Variants in PDE7B observed in about 807,000 individuals in gnomAD.
PDE7B encodes the protein phosphodiesterase 7B, also known as 3',5'-cyclic-AMP phosphodiesterase 7B.
A neutral mutation model predicts 56.2 loss-of-function variants in PDE7B; 29 were observed. That is an observed-to-expected ratio of 0.52 (90% CI 0.38 to 0.70). PDE7B has a LOEUF of 0.70. Among genes scored for constraint, PDE7B ranks in the 30% least tolerant of loss-of-function variants. The pLI, the probability that PDE7B is intolerant of heterozygous loss-of-function variation, is 0.00. For synonymous variants in PDE7B, 197 were observed against 196.9 expected, an observed-to-expected ratio of 1.00 and a Z score of 0.00; for missense variants, 490 against 565.0, an observed-to-expected ratio of 0.87 and a Z score of 1.35.
At chr6:136,146,212 T>A (rs1241208867) in intron 3 of PDE7B, among the ~76,000 whole-genome samples, 1 of 152,198 alleles carries the variant, frequency 6.6e-6, no homozygotes, top group Admixed American at 6.6e-5. Flanking sequence ...TTACTTTACA[T>A]ATGAGCCGTA....
intron 8 of PDE7B, chr6:136,161,895 C>A (rs539583188): frequency 6.6e-6 from 1 of 152,174 alleles, no homozygotes; most frequent in East Asian, 1.9e-4. Context: ...ATAGCAGTCA[C>A]GTAGGGCCAC....
At chr6:136,131,350 G>A (rs1778113337) in intron 3 of PDE7B, among the ~76,000 whole-genome samples, 1 of 152,180 alleles carries the variant, frequency 6.6e-6, no homozygotes, top group African/African-American at 2.4e-5. Context: ...GCCATGTTAA[G>A]CAGCAAGGAA....
intron 2 of PDE7B, among the ~76,000 whole-genome samples, chr6:135,995,894 A>G (rs573839277): frequency 8.6e-5 from 13 of 150,906 alleles, no homozygotes; most frequent in African/African-American, 3.0e-4. Flanking sequence ...AAAGCCTATT[A>G]TAAGGAATTG....
At chr6:135,931,844 C>T (rs982617903) in intron 1 of PDE7B, among the ~76,000 whole-genome samples, 1 of 152,192 alleles carries the variant, frequency 6.6e-6, no homozygotes, top group Non-Finnish European at 1.5e-5. Flanking sequence ...CAAACATGCA[C>T]ACAAACAGAA....
At chr6:136,136,526 CAAT>C (rs769817397) in intron 3 of PDE7B, among the ~76,000 whole-genome samples, 10 of 151,778 alleles carry the variant, frequency 6.6e-5, no homozygotes, top group Non-Finnish European at 1.3e-4. Flanking sequence ...TGACTAGGGT[CAAT>C]AATAATTGTA....
intron 1 of PDE7B, among the ~76,000 whole-genome samples, chr6:135,932,543 G>A (rs1410471777): frequency 3.3e-5 from 5 of 152,156 alleles, no homozygotes; most frequent in Non-Finnish European, 4.4e-5. Context: ...GGCAAACATT[G>A]AAGTTTTAAA....
chr6:136,006,749 T>A (rs1775792063), intron 2 of PDE7B, among the ~76,000 whole-genome samples: 1 of 152,194 alleles, frequency 6.6e-6, no homozygotes, highest in African/African-American at 2.4e-5. Flanking sequence ...GTGATTTTTC[T>A]ACATTGATTT....
At chr6:136,090,177 TG>T (rs1777364876) in intron 2 of PDE7B, among the ~76,000 whole-genome samples, 1 of 152,126 alleles carries the variant, frequency 6.6e-6, no homozygotes, top group Admixed American at 6.6e-5. Context: ...CTTCTTCCAT[TG>T]GGTGGGGTAG....
rs1776845601 is a variant in PDE7B at position 136,061,733 on chromosome 6, A to G, written c.83-46998A>G. On this transcript the variant is annotated intron_variant, in intron 2 of 12. Transcript: ENST00000308191. ...TGCTGGGCATAGTACCATGTTGGGT[A>G]GGGCAGTGACAGTTCGAAGTGAGGG... Among the ~76,000 whole-genome samples the G allele has an allele frequency of 5.3e-5, 8 of 152,226 alleles. No homozygotes were observed. The South Asian group carries it at 1.7e-3, about 32-fold the overall frequency.
At chr6:136,003,574 C>G (rs1775714811) in intron 2 of PDE7B, among the ~76,000 whole-genome samples, 2 of 152,302 alleles carry the variant, frequency 1.3e-5, no homozygotes, top group South Asian at 4.2e-4. Flanking sequence ...CTACAAACAC[C>G]TCTATGCAAA....
intron 8 of PDE7B, chr6:136,165,606 A>G (rs1022600312): frequency 3.3e-5 from 5 of 152,202 alleles, no homozygotes; most frequent in African/African-American, 1.2e-4. Context: ...ACAATCTGTC[A>G]TCTCTTGGTA....
intron 2 of PDE7B, among the ~76,000 whole-genome samples, chr6:136,077,431 G>A (rs1009008580): frequency 6.6e-6 from 1 of 152,128 alleles, no homozygotes. Flanking sequence ...CCCTAAATTG[G>A]AATGATTGGG....
chr6:136,000,732 G>A (rs1775651518), intron 2 of PDE7B, among the ~76,000 whole-genome samples: 1 of 152,208 alleles, frequency 6.6e-6, no homozygotes, highest in Admixed American at 6.5e-5. Flanking sequence ...TGGCTAAGGA[G>A]GCCTGCCTGC....
chr6:135,853,580 C>T (rs975088683), intron 1 of PDE7B, among the ~76,000 whole-genome samples: 1 of 152,184 alleles, frequency 6.6e-6, no homozygotes, highest in Non-Finnish European at 1.5e-5. Flanking sequence ...CCACAGTTAA[C>T]TAGTTGCAAC....
intron 2 of PDE7B, among the ~76,000 whole-genome samples, chr6:136,045,544 G>A (rs892099283): frequency 6.6e-6 from 1 of 152,156 alleles, no homozygotes; most frequent in African/African-American, 2.4e-5. Flanking sequence ...ACTCCAGTGA[G>A]TAGGTCACAA....
chr6:135,919,452 A>G (rs544721324), intron 1 of PDE7B, among the ~76,000 whole-genome samples: 1 of 152,304 alleles, frequency 6.6e-6, no homozygotes, highest in South Asian at 2.1e-4. Context: ...AAATTTCTAC[A>G]CTTAATCATG....
intron 7 of PDE7B, among the ~76,000 whole-genome samples, 157 bp downstream of exon 7, chr6:136,154,332 A>G (rs1271657734): frequency 6.6e-6 from 1 of 152,050 alleles, no homozygotes; most frequent in African/African-American, 2.4e-5. Flanking sequence ...TCAGCTCTGA[A>G]AATCTTACAA....
intron 2 of PDE7B, among the ~76,000 whole-genome samples, chr6:135,991,309 A>C (rs1775475187): frequency 6.6e-6 from 1 of 152,166 alleles, no homozygotes; most frequent in Admixed American, 6.5e-5. Flanking sequence ...GTTCTGGTTC[A>C]AATGCCTCTG....
In PDE7B at chr6:136,049,802, G is replaced by C. The variant is rs558292980; in HGVS notation, c.83-58929G>C. Among the ~76,000 whole-genome samples, 11 of 152,332 alleles carry C rather than the reference G, an allele frequency of 7.2e-5. No homozygotes were observed. In the East Asian group the frequency reaches 1.9e-3, roughly 27 times the overall value. ...GAGTGGGAAACAGAAAAAGACATTA[G>C]TGGGACGAGACTGCATATGGACAAG... is the stretch of plus-strand genomic sequence containing the variant. On this transcript the variant is annotated intron_variant, in intron 2 of 12. Transcript: ENST00000308191.
Sources: allele counts gnomAD v4.1 joint callset (sites outside exome capture counted in the v4.1 genomes callset), GRCh38; gene constraint gnomAD v4.1.1; transcripts MANE v1.5; gene names NCBI Gene and HGNC (gene_info 2026-07-23, HGNC 2026-07-21).